The following SCUBE2 variants were observed in gnomAD, a reference collection of about 807,000 sequenced individuals.
The protein encoded by SCUBE2 is signal peptide, CUB domain and EGF like domain containing 2.
SCUBE2 carries 114 observed loss-of-function variants against 125.9 expected under a neutral mutation model. The observed-to-expected ratio is 0.91, with a 90% CI of 0.78 to 1.06. The LOEUF (loss-of-function observed/expected upper bound fraction) is 1.06. Ranked by LOEUF, SCUBE2 falls within the 50% of genes least tolerant of loss-of-function variation. SCUBE2 has a pLI of 0.00. For synonymous variants in SCUBE2, 459 were observed against 492.9 expected (o/e 0.93, Z 0.91); for missense variants, 1,255 against 1,301.8 (o/e 0.96, Z 0.55).
chr11:9,062,269 T>C (rs1285856180), intron 7 of SCUBE2, among the ~76,000 whole-genome samples: 1 of 152,254 alleles, frequency 6.6e-6, no homozygotes, highest in Non-Finnish European at 1.5e-5. Flanking sequence ...CAAAAAGCTA[T>C]GTTGAAACAA....
Position 9,052,786 on chromosome 11 carries a change from G to A in SCUBE2, c.1494C>T (p.Leu498=). ...CATTTGATTTTTGTTGTTTGTTCCTGAGAGGAGAGGAAGAGCCACAGGTGA... is the reference window on the plus strand; with the variant it reads ...CATTTGATTTTTGTTGTTTGTTCCTAAGAGGAGAGGAAGAGCCACAGGTGA... The part of the protein sequence containing the change: ...YSVTCGSSSP[L]RNKQQKSNDS... Residue 498 remains leucine (L), a synonymous_variant, in exon 13 of 23, where the codon CTC becomes CTT. Transcript: ENST00000649792. 6.5e-7 allele frequency: 1 copy of A among 1,537,196 alleles called. No individual in the cohort carries two copies. Among genetic ancestry groups the A allele is most frequent in the Non-Finnish European group, 8.7e-7 (1 of 1,146,846 alleles).
chr11:9,051,225 T>TCTATCTAC (rs755617422), intron 13 of SCUBE2, among the ~76,000 whole-genome samples: 1,552 of 132,312 alleles, frequency 0.012, 23 homozygotes, highest in African/African-American at 0.034. Context: ...TATCTATCTA[T>TCTATCTAC]CTACCTACCT....
chr11:9,069,434 C>T lies in SCUBE2; in HGVS notation c.579G>A (p.Arg193=), dbSNP rs1295064661. ...GCCTGCACTCACAGGCGACGCTGCC[C>T]CTTGGGGCCTCCTTGCAGATGTGAC... ...GCSHICKEAP[R]GSVACECRPG... is the part of the protein sequence containing the mutation. The change falls in exon 5 of 23, where the codon AGG becomes AGA. Residue 193 remains arginine, a synonymous_variant. Transcript: ENST00000649792. The T allele has an allele frequency of 1.2e-6, 2 of 1,614,254 alleles. No homozygotes were observed. The highest frequency in any genetic ancestry group is 1.7e-5 in the Admixed American group (1 of 60,036).
chr11:9,061,423 G>A (rs764237255), intron 7 of SCUBE2, among the ~76,000 whole-genome samples: 10 of 152,062 alleles, frequency 6.6e-5, no homozygotes, highest in Non-Finnish European at 2.9e-5. Flanking sequence ...GCGAGGCCTG[G>A]TGACGCACAC....
intron 4 of SCUBE2, among the ~76,000 whole-genome samples, chr11:9,073,880 A>G (rs1293607943): frequency 6.6e-6 from 1 of 152,250 alleles, no homozygotes; most frequent in Non-Finnish European, 1.5e-5. Context: ...AATGAAGAGA[A>G]GGACATCAGA....
chr11:9,038,744 G>T (rs997266501), intron 16 of SCUBE2, among the ~76,000 whole-genome samples: 2 of 152,238 alleles, frequency 1.3e-5, no homozygotes, highest in African/African-American at 4.8e-5. Context: ...GGCAATAAGA[G>T]AGGAACTTTA....
At chr11:9,090,486 T>TTA (rs1862573771) in intron 1 of SCUBE2, 2 of 47,472 alleles carry the variant, frequency 4.2e-5, no homozygotes, top group Non-Finnish European at 2.1e-4. Context: ...TATTTATTTA[T>TTA]TTATTTTTTT....
At position 9,037,596 on chromosome 11, in the gene SCUBE2, G is replaced by A. The variant is rs74052334; in HGVS notation, c.2003-3800C>T. On this transcript the variant is annotated intron_variant, in intron 16 of 22. Transcript: ENST00000649792. ...TGAAGAAGAGCCATAAGCAGCCCAC[G>A]TGGATTCCCAGGGTGCCCCAGGGCT... is the stretch of plus-strand genomic sequence containing the variant. Among the ~76,000 whole-genome samples, 1,143 of 152,358 alleles carry A rather than the reference G, an allele frequency of 7.5e-3. 12 individuals are homozygous for A. Among genetic ancestry groups the A allele is most frequent in the African/African-American group, 0.026 (1,085 of 41,592 alleles).
chr11:9,054,701 GTATATA>G (rs1210852364), intron 10 of SCUBE2, among the ~76,000 whole-genome samples: 12 of 51,076 alleles, frequency 2.3e-4, no homozygotes, highest in African/African-American at 6.8e-4. Flanking sequence ...AAGCACTAGT[GTATATA>G]TATATATATA....
intron 8 of SCUBE2, chr11:9,059,796 A>G (rs1240384714): frequency 1.7e-5 from 3 of 181,094 alleles, no homozygotes; most frequent in African/African-American, 7.1e-5. Context: ...AAAGCTATAA[A>G]GGACTAGAGC....
chr11:9,087,116 CCAGT>C (rs547960692), intron 2 of SCUBE2, among the ~76,000 whole-genome samples: 30 of 152,090 alleles, frequency 2.0e-4, no homozygotes, highest in Admixed American at 4.6e-4. Flanking sequence ...TGGCACAATG[CCAGT>C]CAATCATTAG....
rs774587131 is a variant in SCUBE2 at position 9,069,419 on chromosome 11, AC to A, written c.593del (p.Cys198LeufsTer18). 4.3e-6 allele frequency: 7 copies of A among 1,614,232 alleles called. No individual in the cohort carries two copies. Among genetic ancestry groups the A allele is most frequent in the Non-Finnish European group, 5.9e-6 (7 of 1,180,038 alleles). On this transcript the variant is annotated frameshift_variant, in exon 5 of 23. Transcript: ENST00000649792. LOFTEE classifies it high-confidence loss of function. ...CKEAPRGSVACECRPGFELAK... is the reference protein window; with the variant it reads ...CKEAPRGSVAXECRPGFELAK... ...CCAGCTCAAAACCAGGCCTGCACTC[AC>A]AGGCGACGCTGCCCCTTGGGGCCTC... is the stretch of plus-strand genomic sequence containing the variant.
intron 2 of SCUBE2, among the ~76,000 whole-genome samples, chr11:9,080,533 C>T (rs984113553): frequency 1.3e-5 from 2 of 151,802 alleles, no homozygotes; most frequent in Non-Finnish European, 2.9e-5. Flanking sequence ...CGCCTATAGT[C>T]CCAGCTGCTT....
At chr11:9,064,578 G>A (rs1432410117) in intron 7 of SCUBE2, 1 of 152,034 alleles carries the variant, frequency 6.6e-6, no homozygotes, top group Admixed American at 6.6e-5. Context: ...TCGAAGAATT[G>A]ACTATTGTTG....
chr11:9,041,990 C>A (rs11042160), intron 16 of SCUBE2, among the ~76,000 whole-genome samples: 3 of 151,932 alleles, frequency 2.0e-5, no homozygotes, highest in East Asian at 3.9e-4. Flanking sequence ...CATGGGCTGC[C>A]CATCCATTTT....
rs756564095 is a variant in SCUBE2, at chr11:9,020,825, A to T, written c.*220T>A. On this transcript the variant is annotated 3_prime_UTR_variant, in exon 23 of 23. Coordinates refer to ENST00000649792, the MANE Select transcript of SCUBE2 (RefSeq NM_001367977.2). ...ATCCGCCCACAGCAGTGAGAAGCTG[A>T]TGCCACTCAAAGCCATTCTCAGTCT... is the stretch of plus-strand genomic sequence containing the variant. The T allele has an allele frequency of 2.2e-6, 1 of 448,230 alleles. No individual in the cohort carries two copies. The allele number at this position is 448,230 out of a possible 1,614,324, so 27.8% of individuals were successfully genotyped here.
intron 16 of SCUBE2, among the ~76,000 whole-genome samples, chr11:9,044,148 G>A (rs1379500961): frequency 1.3e-5 from 2 of 152,234 alleles, no homozygotes; most frequent in Non-Finnish European, 2.9e-5. Context: ...TACAGCCTGG[G>A]AAGCTGTAAA....
At chr11:9,055,712 A>T in intron 10 of SCUBE2, 81 bp downstream of exon 10, 1 of 1,066,350 alleles carries the variant, frequency 9.4e-7, no homozygotes, top group South Asian at 1.3e-5. Flanking sequence ...AATGTAGGAA[A>T]GCAAACCTCA....
chr11:9,030,031 C>T lies in SCUBE2; in HGVS notation c.2356G>A (p.Gly786Arg), dbSNP rs1488551321. 6.2e-7 allele frequency: 1 copy of T among 1,614,044 alleles called. No individual in the cohort carries two copies. The highest frequency in any genetic ancestry group is 1.7e-5 in the Admixed American group (1 of 60,018). ...DCETRVQCSP[G>R]HFYNTTTHRC... ...TGAGTGGTGGTGTTGTAGAAATGTC[C>T]AGGTGAACATTGAACTGTGGGTCAA... Residue 786 changes from glycine to arginine, a missense_variant, in exon 19 of 23, where the codon GGA becomes AGA. Around this residue, in one of 3 missense-constraint regions of SCUBE2, gnomAD observed 515 missense variants for 515.7 expected, o/e 1.00. Transcript: ENST00000649792.
Sources: allele counts gnomAD v4.1 joint callset (sites outside exome capture counted in the v4.1 genomes callset), GRCh38; gene constraint gnomAD v4.1.1; regional missense constraint gnomAD v4.1.1; transcripts MANE v1.5; gene names NCBI Gene and HGNC (gene_info 2026-07-23, HGNC 2026-07-21).